The following ZNF804B variants were observed in gnomAD, a reference collection of about 807,000 sequenced individuals.
ZNF804B encodes zinc finger protein 804B.
In ZNF804B, 80 loss-of-function variants were observed where a neutral mutation model predicts 101.4. The ratio of observed to expected loss-of-function variants is 0.79; its 90% confidence interval spans 0.66 to 0.95. The LOEUF (loss-of-function observed/expected upper bound fraction) is 0.95, where lower values mean the gene tolerates loss of function less well. Ranked by LOEUF, ZNF804B falls within the 40% of genes least tolerant of loss-of-function variation. ZNF804B has a pLI of 0.00. For synonymous variants in ZNF804B, 622 were observed against 558.8 expected (o/e 1.11, Z -1.59); for missense variants, 1,673 against 1,561.9 (o/e 1.07, Z -1.20).
chr7:88,979,737 C>G (rs6962812), intron 1 of ZNF804B, among the ~76,000 whole-genome samples: 124,481 of 151,256 alleles, frequency 0.82, 51,718 homozygotes, highest in African/African-American at 0.94. Flanking sequence ...TTGTACTTTT[C>G]AATATTGATA....
At chr7:89,137,912 T>C (rs540149822) in intron 1 of ZNF804B, among the ~76,000 whole-genome samples, 26 of 152,138 alleles carry the variant, frequency 1.7e-4, no homozygotes, top group Admixed American at 5.9e-4. Context: ...CCAAGCTGTA[T>C]GCATTCTAGG....
intron 1 of ZNF804B, among the ~76,000 whole-genome samples, chr7:89,001,240 C>A (rs985951186): frequency 2.7e-5 from 4 of 150,502 alleles, no homozygotes; most frequent in African/African-American, 9.7e-5. Context: ...GGAGATAATG[C>A]ACATGCTAAT....
At chr7:89,228,827 G>A (rs537713523) in intron 2 of ZNF804B, among the ~76,000 whole-genome samples, 5 of 152,280 alleles carry the variant, frequency 3.3e-5, no homozygotes, top group African/African-American at 4.8e-5. Flanking sequence ...GGTGGCACTC[G>A]TTGGGGAGGC....
chr7:89,335,955 T>A lies in ZNF804B; in HGVS notation c.2973T>A (p.Asn991Lys). 6.2e-7 allele frequency: 1 copy of A among 1,613,964 alleles called. No individual in the cohort carries two copies. The highest frequency in any genetic ancestry group is 8.5e-7 in the Non-Finnish European group (1 of 1,179,970). Reference sequence around the variant, plus strand: ...TACAGTATGCAAGTGAGAGCAGAAATGATCAAGACAGTGCAATTCCAAGGA... The same window carrying A: ...TACAGTATGCAAGTGAGAGCAGAAAAGATCAAGACAGTGCAATTCCAAGGA... The part of the protein sequence containing the change: ...EKIQYASESR[N>K]DQDSAIPRTT... The change falls in exon 4 of 4, where the codon AAT (asparagine) becomes AAA (lysine). Residue 991 changes from asparagine to lysine, a missense_variant. By Grantham distance (94) the Asn-to-Lys change is moderately conservative. Coordinates refer to ENST00000333190, the MANE Select transcript of ZNF804B (RefSeq NM_181646.5).
At chr7:89,027,029 A>G (rs1584082018) in intron 1 of ZNF804B, among the ~76,000 whole-genome samples, 1 of 152,140 alleles carries the variant, frequency 6.6e-6, no homozygotes, top group Non-Finnish European at 1.5e-5. Context: ...AATATTTGGA[A>G]CATCAATAAG....
chr7:88,911,303 T>G (rs1010074336), intron 1 of ZNF804B, among the ~76,000 whole-genome samples: 1 of 151,752 alleles, frequency 6.6e-6, no homozygotes, highest in African/African-American at 2.4e-5. Context: ...AGCTTTGTAG[T>G]GTATGAATGT....
intron 2 of ZNF804B, among the ~76,000 whole-genome samples, chr7:89,265,206 G>A (rs1344360947): frequency 6.6e-6 from 1 of 152,122 alleles, no homozygotes; most frequent in Non-Finnish European, 1.5e-5. Context: ...GAAAAGTGAA[G>A]CATCTAGCTC....
At position 89,221,704 on chromosome 7, in the gene ZNF804B, C is replaced by G. The variant is rs1216033527; in HGVS notation, c.249+3409C>G. 7.1e-5 allele frequency among the ~76,000 whole-genome samples: 9 copies of G among 126,670 alleles called. No homozygotes were observed. In the East Asian group the frequency reaches 1.9e-3, roughly 26 times the overall value. The allele number at this position is 126,670 out of a possible 152,430, so 83.1% of individuals were successfully genotyped here. ...CCTTCCTCAATATTTCTATTCTATT[C>G]TATTCTATTCTATTCTATTCTATTC... On this transcript the variant is annotated intron_variant, in intron 2 of 3. Transcript: ENST00000333190.
chr7:89,227,185 G>A (rs1228455976), intron 2 of ZNF804B, among the ~76,000 whole-genome samples: 1 of 152,154 alleles, frequency 6.6e-6, no homozygotes, highest in Non-Finnish European at 1.5e-5. Flanking sequence ...TCCTAACAAA[G>A]GATACATATG....
intron 2 of ZNF804B, among the ~76,000 whole-genome samples, chr7:89,279,782 A>G (rs1051391615): frequency 5.9e-5 from 9 of 151,866 alleles, no homozygotes; most frequent in Admixed American, 2.6e-4. Context: ...TTTTGCATCA[A>G]TGTTCATCAA....
chr7:89,132,906 G>C (rs546864962), intron 1 of ZNF804B, among the ~76,000 whole-genome samples: 9 of 151,984 alleles, frequency 5.9e-5, no homozygotes, highest in Non-Finnish European at 1.3e-4. Flanking sequence ...ACTTTAGAGA[G>C]GAAGGGGCTG....
At chr7:89,195,183 A>G (rs1429851102) in intron 1 of ZNF804B, among the ~76,000 whole-genome samples, 13 of 148,448 alleles carry the variant, frequency 8.8e-5, no homozygotes, top group East Asian at 2.0e-4. Context: ...TTGATGGGAC[A>G]TATCTCAAAA....
intron 1 of ZNF804B, among the ~76,000 whole-genome samples, chr7:88,837,011 G>T (rs1791223440): frequency 6.6e-6 from 1 of 152,034 alleles, no homozygotes; most frequent in South Asian, 2.1e-4. Flanking sequence ...AAGCCAGAAA[G>T]GACATATATG....
intron 1 of ZNF804B, among the ~76,000 whole-genome samples, chr7:88,886,768 A>G (rs1048158335): frequency 6.6e-6 from 1 of 151,792 alleles, no homozygotes; most frequent in African/African-American, 2.4e-5. Context: ...GTAAAAAACT[A>G]ATTTCTGAAA....
At chr7:89,289,409 C>T (rs1402734192) in intron 2 of ZNF804B, among the ~76,000 whole-genome samples, 1 of 152,036 alleles carries the variant, frequency 6.6e-6, no homozygotes, top group Non-Finnish European at 1.5e-5. Context: ...GGTGAGCACT[C>T]ACAGTATCTG....
At chr7:88,888,006 G>T (rs1792158232) in intron 1 of ZNF804B, among the ~76,000 whole-genome samples, 1 of 151,738 alleles carries the variant, frequency 6.6e-6, no homozygotes, top group South Asian at 2.1e-4. Flanking sequence ...TTTTTTACTG[G>T]CTCTATAGTT....
chr7:88,901,632 GAGAA>G (rs1423796285), intron 1 of ZNF804B, among the ~76,000 whole-genome samples: 2 of 151,630 alleles, frequency 1.3e-5, no homozygotes, highest in Non-Finnish European at 3.0e-5. Context: ...ATATTAGAGA[GAGAA>G]AGAGAGAGAG....
At chr7:88,832,536 TTTTG>T (rs1026945791) in intron 1 of ZNF804B, among the ~76,000 whole-genome samples, 2 of 151,992 alleles carry the variant, frequency 1.3e-5, no homozygotes, top group East Asian at 3.9e-4. Context: ...GGGAGCTATT[TTTTG>T]TTTGTTTGTT....
At chr7:89,325,314 C>T (rs1163822988) in intron 2 of ZNF804B, among the ~76,000 whole-genome samples, 3 of 151,942 alleles carry the variant, frequency 2.0e-5, no homozygotes, top group Non-Finnish European at 4.4e-5. Context: ...TTTAACTTTG[C>T]AAACTTCCTA....
Sources: allele counts gnomAD v4.1 joint callset (sites outside exome capture counted in the v4.1 genomes callset), GRCh38; gene constraint gnomAD v4.1.1; transcripts MANE v1.5; gene names NCBI Gene and HGNC (gene_info 2026-07-23, HGNC 2026-07-21).